Variants in PDGFD observed in about 807,000 individuals in gnomAD.
PDGFD encodes the protein platelet derived growth factor D, also known as platelet-derived growth factor D.
Under a neutral mutation model 44.7 loss-of-function variants are expected in PDGFD, and 30 were observed. That is an observed-to-expected ratio of 0.67 (90% confidence interval 0.50 to 0.91). The LOEUF (loss-of-function observed/expected upper bound fraction) is 0.91. Among genes scored for constraint, PDGFD ranks in the 40% least tolerant of loss-of-function variants. The pLI is 0.00. For missense variants in PDGFD, 445 were observed against 457.8 expected (o/e 0.97, Z 0.25); for synonymous variants, 173 against 168.4 (o/e 1.03, Z -0.21).
In PDGFD at chr11:103,927,121, G is replaced by A. The variant is rs1858327929; in HGVS notation, c.778C>T (p.Leu260=). 1 of 1,613,746 alleles carries A rather than the reference G, an allele frequency of 6.2e-7. No homozygotes were observed. ...SYHDRKSKVD[L]DRLNDDAKRY... The stretch of plus-strand genomic sequence containing the variant: ...TTGGCATCATCATTGAGCCTATCCA[G>A]GTCAACTGTAAGCAAATACATGCAC... Residue 260 remains leucine (L), a synonymous_variant, in exon 6 of 7, where the codon CTG becomes TTG. Transcript: ENST00000393158.
intron 1 of PDGFD, among the ~76,000 whole-genome samples, chr11:104,097,223 T>G (rs949934623): frequency 6.6e-6 from 1 of 152,194 alleles, no homozygotes; most frequent in Non-Finnish European, 1.5e-5. Flanking sequence ...TAGCAGGCCA[T>G]GCACTCTACC....
intron 3 of PDGFD, among the ~76,000 whole-genome samples, chr11:103,963,186 T>TG (rs1565296561): frequency 6.6e-6 from 1 of 152,110 alleles, no homozygotes; most frequent in African/African-American, 2.4e-5. Context: ...ATTTTTTCCT[T>TG]GGAAAAAATG....
intron 1 of PDGFD, among the ~76,000 whole-genome samples, chr11:104,026,222 A>G (rs1233383464): frequency 6.6e-6 from 1 of 152,086 alleles, no homozygotes; most frequent in African/African-American, 2.4e-5. Context: ...TTGCCTTCCT[A>G]TTTTGATCCT....
chr11:104,154,237 C>T (rs185599116), intron 1 of PDGFD, among the ~76,000 whole-genome samples: 1 of 152,246 alleles, frequency 6.6e-6, no homozygotes, highest in Admixed American at 6.5e-5. Context: ...CATCATTCAT[C>T]ATGGTAACAG....
chr11:103,949,576 C>T (rs1343594475), intron 3 of PDGFD, among the ~76,000 whole-genome samples: 1 of 152,186 alleles, frequency 6.6e-6, no homozygotes, highest in Non-Finnish European at 1.5e-5. Flanking sequence ...AGGAGCAATC[C>T]TCACATTACA....
intron 1 of PDGFD, among the ~76,000 whole-genome samples, chr11:104,144,451 A>G (rs1862131718): frequency 7.1e-6 from 1 of 140,714 alleles, no homozygotes; most frequent in Admixed American, 7.5e-5. Flanking sequence ...AGTTGCAGTG[A>G]GCTGAGATTG....
chr11:104,037,978 C>T, intron 1 of PDGFD: 1 of 1,613,966 alleles, frequency 6.2e-7, no homozygotes, highest in Non-Finnish European at 8.5e-7. Context: ...GGAAATTACA[C>T]ATTCAGTCAT....
chr11:104,013,074 G>T (rs1044343629), intron 1 of PDGFD, among the ~76,000 whole-genome samples: 2 of 152,218 alleles, frequency 1.3e-5, no homozygotes, highest in African/African-American at 4.8e-5. Flanking sequence ...GCTGGCAGAG[G>T]AGCAGAGCAG....
intron 6 of PDGFD, among the ~76,000 whole-genome samples, chr11:103,912,707 C>T (rs553668628): frequency 6.6e-6 from 1 of 151,998 alleles, no homozygotes; most frequent in South Asian, 2.1e-4. Context: ...GAGTCAAGAC[C>T]CATCAGTGTG....
Position 104,154,059 on chromosome 11 carries a change from T to C in PDGFD, c.124+9745A>G, listed in dbSNP as rs367547280. Among the ~76,000 whole-genome samples, 63 of 152,320 alleles carry C rather than the reference T, an allele frequency of 4.1e-4. No homozygotes were observed. In the East Asian group the frequency reaches 8.7e-3, roughly 21 times the overall value. On this transcript the variant is annotated intron_variant, in intron 1 of 6. Coordinates refer to ENST00000393158, the MANE Select transcript of PDGFD (RefSeq NM_025208.5). The stretch of plus-strand genomic sequence containing the variant: ...ATGTGTTCAATGTCATATTTTATAG[T>C]GATAAATACCCCTTTATTTTAAAAA...
intron 3 of PDGFD, among the ~76,000 whole-genome samples, chr11:103,989,829 A>G (rs893370415): frequency 6.6e-6 from 1 of 152,130 alleles, no homozygotes; most frequent in African/African-American, 2.4e-5. Context: ...CTTTTTATTG[A>G]GCACCTTTTA....
chr11:104,074,977 T>A (rs1001772677), intron 1 of PDGFD, among the ~76,000 whole-genome samples: 4 of 152,178 alleles, frequency 2.6e-5, no homozygotes, highest in African/African-American at 9.7e-5. Context: ...GCAAAAGCAG[T>A]TCCATACATA....
Position 103,947,646 on chromosome 11 carries a change from G to T in PDGFD, c.573+16C>A, listed in dbSNP as rs752725715. Reference sequence around the variant, plus strand: ...ATCCGTTTCTTTTGCTGGCAACAGAGTAATAAATTACTTACTGAAATAGAG... The same window carrying T: ...ATCCGTTTCTTTTGCTGGCAACAGATTAATAAATTACTTACTGAAATAGAG... On this transcript the variant is annotated intron_variant, in intron 4 of 6. Coordinates refer to ENST00000393158, the MANE Select transcript of PDGFD (RefSeq NM_025208.5). The T allele has an allele frequency of 3.1e-6, 5 of 1,606,670 alleles. No homozygotes were observed. In the South Asian group the frequency reaches 3.3e-5, roughly 11 times the overall value.
intron 3 of PDGFD, among the ~76,000 whole-genome samples, chr11:103,952,141 A>AT (rs1184850333): frequency 6.6e-6 from 1 of 152,136 alleles, no homozygotes; most frequent in Non-Finnish European, 1.5e-5. Flanking sequence ...AGACTGCTTG[A>AT]TTTTCAACCT....
rs140938659 is a variant in PDGFD at position 104,005,659 on chromosome 11, T to C, written c.125-5404A>G. Among the ~76,000 whole-genome samples the C allele has an allele frequency of 6.2e-4, 94 of 152,354 alleles. 3 individuals carry two copies. The South Asian group carries it at 0.012, about 19-fold the overall frequency. On this transcript the variant is annotated intron_variant, in intron 1 of 6. Transcript: ENST00000393158. ...GGTTTAAAGCCATTACTTCATTTAA[T>C]CCTCACAACAACCCCATGCCATTGG...
At chr11:103,983,591 C>G (rs1391187391) in intron 3 of PDGFD, among the ~76,000 whole-genome samples, 1 of 151,774 alleles carries the variant, frequency 6.6e-6, no homozygotes, top group Non-Finnish European at 1.5e-5. Flanking sequence ...AACTAAAGAG[C>G]TTCTGCACAG....
At chr11:104,036,652 A>T in intron 1 of PDGFD, 2 of 619,046 alleles carry the variant, frequency 3.2e-6, no homozygotes, top group South Asian at 3.8e-5. Context: ...TGAGGCTGGG[A>T]GACAGCCCCC....
At chr11:104,106,746 CTTT>C (rs113183308) in intron 1 of PDGFD, among the ~76,000 whole-genome samples, 1 of 140,106 alleles carries the variant, frequency 7.1e-6, no homozygotes, top group Admixed American at 7.2e-5. Flanking sequence ...TGTATGATGC[CTTT>C]TTTTTTTTTT....
intron 5 of PDGFD, among the ~76,000 whole-genome samples, chr11:103,940,050 ATC>A: frequency 6.6e-6 from 1 of 152,202 alleles, no homozygotes; most frequent in African/African-American, 2.4e-5. Flanking sequence ...TGGTAATTTT[ATC>A]TGTTTCCTCT....
Sources: allele counts gnomAD v4.1 joint callset (sites outside exome capture counted in the v4.1 genomes callset), GRCh38; gene constraint gnomAD v4.1.1; transcripts MANE v1.5; gene names NCBI Gene and HGNC (gene_info 2026-07-23, HGNC 2026-07-21).